PTPRD: variants seen among roughly 807,000 people sequenced by gnomAD.
The protein encoded by PTPRD is receptor-type tyrosine-protein phosphatase delta.
PTPRD carries 34 observed loss-of-function variants against 214.5 expected under a neutral mutation model. The ratio of observed to expected loss-of-function variants is 0.16; its 90% CI spans 0.12 to 0.21. The LOEUF (loss-of-function observed/expected upper bound fraction) is 0.21, where lower values mean the gene tolerates loss of function less well. Ranked by LOEUF, PTPRD falls within the 10% of genes least tolerant of loss-of-function variation. The pLI, the probability that PTPRD is intolerant of heterozygous loss-of-function variation, is 1.00. For synonymous variants in PTPRD, 1,128 were observed against 845.7 expected (o/e 1.33, Z -5.79); for missense variants, 2,545 against 2,398.7 (o/e 1.06, Z -1.27).
rs62541070 is a variant in PTPRD, at chr9:10,039,984, T to A, written c.-544-6194A>T. Among the ~76,000 whole-genome samples, 3,734 of 152,206 alleles carry A rather than the reference T, an allele frequency of 0.025. 219 individuals are homozygous for A. In the East Asian group the frequency reaches 0.27, roughly 11 times the overall value. ...AAATGCCATTCTCCTAAATTGCCTT[T>A]AGTTCAAGGGCATAGCAGTCAGAAT... On this transcript the variant is annotated intron_variant, in intron 3 of 45. Transcript: ENST00000381196.
intron 2 of PTPRD, among the ~76,000 whole-genome samples, chr9:10,512,007 TATAC>T (rs2048375808): frequency 1.1e-5 from 1 of 90,046 alleles, no homozygotes; most frequent in Non-Finnish European, 2.1e-5. Context: ...TATATATATA[TATAC>T]GTGTGTGTAT....
chr9:9,678,346 A>G (rs200545461), intron 7 of PTPRD, among the ~76,000 whole-genome samples: 4 of 152,000 alleles, frequency 2.6e-5, no homozygotes, highest in East Asian at 3.9e-4. Flanking sequence ...AACCAAAACA[A>G]CATGGTACTG....
intron 12 of PTPRD, among the ~76,000 whole-genome samples, chr9:8,687,639 T>C (rs1450551693): frequency 6.6e-6 from 1 of 152,218 alleles, no homozygotes; most frequent in Non-Finnish European, 1.5e-5. Flanking sequence ...ACTGACATTT[T>C]GGGGTACAAT....
At chr9:9,410,568 G>A (rs925347608) in intron 8 of PTPRD, among the ~76,000 whole-genome samples, 6 of 152,080 alleles carry the variant, frequency 3.9e-5, no homozygotes, top group African/African-American at 1.2e-4. Flanking sequence ...GCCAGAACCC[G>A]ACTATGAATT....
At chr9:8,946,766 G>A (rs1192784033) in intron 11 of PTPRD, among the ~76,000 whole-genome samples, 1 of 152,092 alleles carries the variant, frequency 6.6e-6, no homozygotes, top group Admixed American at 6.5e-5. Context: ...ATCATGCAGG[G>A]TCTTCTCATC....
chr9:9,115,395 T>A (rs546312932), intron 10 of PTPRD, among the ~76,000 whole-genome samples: 2 of 152,176 alleles, frequency 1.3e-5, no homozygotes, highest in African/African-American at 4.8e-5. Flanking sequence ...CCATCACTAA[T>A]CATCAGGAAA....
At chr9:9,076,459 C>T (rs1418388852) in intron 10 of PTPRD, among the ~76,000 whole-genome samples, 2 of 151,908 alleles carry the variant, frequency 1.3e-5, no homozygotes, top group Admixed American at 1.3e-4. Flanking sequence ...TAGTACTCCT[C>T]CCAGCCTCTG....
At chr9:10,114,147 C>T (rs1204125594) in intron 3 of PTPRD, among the ~76,000 whole-genome samples, 2 of 152,100 alleles carry the variant, frequency 1.3e-5, no homozygotes, top group Non-Finnish European at 2.9e-5. Flanking sequence ...GTGGAAAGAA[C>T]AGCAGTGTGC....
intron 4 of PTPRD, among the ~76,000 whole-genome samples, chr9:10,018,622 A>G (rs1402949382): frequency 8.5e-6 from 1 of 117,570 alleles, no homozygotes; most frequent in African/African-American, 3.2e-5. Context: ...ATCTCGGCTC[A>G]CTGCAAGCTC....
intron 3 of PTPRD, among the ~76,000 whole-genome samples, chr9:10,191,780 C>T (rs914227327): frequency 1.3e-5 from 2 of 152,082 alleles, no homozygotes; most frequent in Non-Finnish European, 2.9e-5. Flanking sequence ...TGTACAATTG[C>T]AGTAGCAGTA....
chr9:8,484,157 A>G lies in PTPRD; in HGVS notation c.3375T>C (p.Thr1125=), dbSNP rs1276401640. The G allele has an allele frequency of 1.2e-6, 2 of 1,614,076 alleles. No homozygotes were observed. Among genetic ancestry groups the G allele is most frequent in the Non-Finnish European group, 1.7e-6 (2 of 1,180,040 alleles). ...TTGCAGGTACTTCAGGCAGTTGCAC[A>G]GTAATCATGCCATCCAAGTTGGTCT... ...IGKTNLDGMI[T]VQLPEVPANE... Residue 1125 remains threonine (T), a synonymous_variant, in exon 30 of 46, where the codon ACT becomes ACC. Coordinates refer to ENST00000381196, the MANE Select transcript of PTPRD (RefSeq NM_002839.4).
chr9:8,450,267 T>G (rs1475511987), intron 33 of PTPRD, among the ~76,000 whole-genome samples: 2 of 152,176 alleles, frequency 1.3e-5, no homozygotes, highest in Non-Finnish European at 2.9e-5. Flanking sequence ...CAGCTAAATC[T>G]GTCCCCCTTA....
chr9:9,212,979 A>C (rs899431616), intron 9 of PTPRD, among the ~76,000 whole-genome samples: 2 of 152,138 alleles, frequency 1.3e-5, no homozygotes, highest in Non-Finnish European at 2.9e-5. Flanking sequence ...ATAGATTCTA[A>C]CTCCTATAAC....
chr9:9,348,036 T>G (rs929586361), intron 9 of PTPRD, among the ~76,000 whole-genome samples: 2 of 152,180 alleles, frequency 1.3e-5, no homozygotes, highest in African/African-American at 4.8e-5. Context: ...CATATTCATC[T>G]ACTTTGTTTA....
chr9:8,338,586 G>A (rs927902293), intron 43 of PTPRD, among the ~76,000 whole-genome samples: 3 of 152,014 alleles, frequency 2.0e-5, no homozygotes, highest in Admixed American at 2.0e-4. Context: ...AGTCAAAAAA[G>A]CTCCAAAGAG....
intron 11 of PTPRD, among the ~76,000 whole-genome samples, chr9:8,764,834 T>C (rs1280903520): frequency 2.1e-5 from 3 of 143,304 alleles, no homozygotes; most frequent in Non-Finnish European, 4.6e-5. Flanking sequence ...ATAATAATAA[T>C]AGCAGCTTAT....
chr9:9,964,273 A>C (rs2094544985), intron 4 of PTPRD, among the ~76,000 whole-genome samples: 1 of 152,240 alleles, frequency 6.6e-6, no homozygotes, highest in Non-Finnish European at 1.5e-5. Context: ...CTACTAGGAC[A>C]AGAAAGAATG....
chr9:10,412,582 C>G (rs1009807042), intron 2 of PTPRD, among the ~76,000 whole-genome samples: 1 of 150,776 alleles, frequency 6.6e-6, no homozygotes, highest in African/African-American at 2.4e-5. Context: ...CAGAATCATC[C>G]TGATACCAAA....
At chr9:9,417,737 T>C (rs182918919) in intron 8 of PTPRD, among the ~76,000 whole-genome samples, 36 of 152,226 alleles carry the variant, frequency 2.4e-4, no homozygotes, top group Admixed American at 6.5e-5. Flanking sequence ...GAAAGTCATT[T>C]AACCTCTTCA....
Sources: allele counts gnomAD v4.1 joint callset (sites outside exome capture counted in the v4.1 genomes callset), GRCh38; gene constraint gnomAD v4.1.1; transcripts MANE v1.5; gene names NCBI Gene and HGNC (gene_info 2026-07-23, HGNC 2026-07-21).